Variants in CLCN1 observed in about 807,000 individuals in gnomAD.
CLCN1 encodes the protein chloride voltage-gated channel 1.
CLCN1 carries 100 observed loss-of-function variants against 114.5 expected under a neutral mutation model. That is an observed-to-expected ratio of 0.87 (90% confidence interval 0.74 to 1.03). The LOEUF (loss-of-function observed/expected upper bound fraction) is 1.03. CLCN1 is among the 50% of genes least tolerant of loss of function. The probability of loss-of-function intolerance (pLI) is 0.00; values close to 1 mark genes in which losing one functional copy is unlikely to be tolerated. For synonymous variants in CLCN1, 485 were observed against 487.1 expected (o/e 1.00, Z 0.06); for missense variants, 1,188 against 1,250.0 (o/e 0.95, Z 0.75).
In CLCN1 at chr7:143,318,963, C is replaced by G. The variant is rs1802358318; in HGVS notation, c.181-792C>G. Among the ~76,000 whole-genome samples the G allele has an allele frequency of 2.0e-5, 3 of 152,212 alleles. No homozygotes were observed. In the South Asian group the frequency reaches 6.2e-4, roughly 31 times the overall value. ...CCAGAATCCAGCAACATGGCCTGGC[C>G]TGACCCTGGCCCCAGAGGACAGTTA... is the stretch of plus-strand genomic sequence containing the variant. On this transcript the variant is annotated intron_variant, in intron 1 of 22. Coordinates refer to ENST00000343257, the MANE Select transcript of CLCN1 (RefSeq NM_000083.3).
At position 143,320,649 on chromosome 7, in the gene CLCN1, C is replaced by T. The variant is rs1464472981; in HGVS notation, c.302-15C>T. 3 of 1,608,908 alleles carry T rather than the reference C, an allele frequency of 1.9e-6. No homozygotes were observed. The highest frequency in any genetic ancestry group is 2.5e-6 in the Non-Finnish European group (3 of 1,176,754). On this transcript the variant is annotated splice_polypyrimidine_tract_variant and intron_variant, in intron 2 of 22. Transcript: ENST00000343257. ...TGTTGTTTGTTTGTTTGTTTTTTCC[C>T]TCATCTCTTCCTAGATTGTATCCAC...
chr7:143,334,971 TA>T (rs1337735113), intron 12 of CLCN1, among the ~76,000 whole-genome samples: 1 of 152,252 alleles, frequency 6.6e-6, no homozygotes, highest in Non-Finnish European at 1.5e-5. Flanking sequence ...CAAACCCATC[TA>T]CAGTAACCAA....
chr7:143,346,340 A>G (rs1465041843), intron 18 of CLCN1, 89 bp downstream of exon 18: 3 of 649,092 alleles, frequency 4.6e-6, no homozygotes, highest in East Asian at 4.0e-5. Flanking sequence ...TGCAATTCCT[A>G]TGCGGGGTGG....
chr7:143,320,670 T>C lies in CLCN1; in HGVS notation c.308T>C (p.Ile103Thr). The C allele has an allele frequency of 6.2e-7, 1 of 1,613,100 alleles. No individual in the cohort carries two copies. Among genetic ancestry groups the C allele is most frequent in the Non-Finnish European group, 8.5e-7 (1 of 1,179,324 alleles). ...EDHYSKCQDC[I>T]HRLGQVVRRK... is the part of the protein sequence containing the mutation. ...TTCCCTCATCTCTTCCTAGATTGTA[T>C]CCACCGCCTGGGACAGGTGGTGAGA... is the stretch of plus-strand genomic sequence containing the variant. The change falls in exon 3 of 23, where the codon ATC (isoleucine) becomes ACC (threonine). Residue 103 changes from isoleucine to threonine, a missense_variant. Physicochemically the swap from Ile to Thr is moderately conservative, Grantham distance 89. Coordinates refer to ENST00000343257, the MANE Select transcript of CLCN1 (RefSeq NM_000083.3).
At position 143,321,300 on chromosome 7, in the gene CLCN1, T is replaced by C. The variant is rs1802424500; in HGVS notation, c.434-65T>C. The C allele has an allele frequency of 1.3e-6, 2 of 1,597,138 alleles. No homozygotes were observed. Among genetic ancestry groups the C allele is most frequent in the Non-Finnish European group, 1.7e-6 (2 of 1,168,788 alleles). On this transcript the variant is annotated intron_variant, in intron 3 of 22. Transcript: ENST00000343257. The surrounding 1 kb of genome is among the most constrained non-coding windows in gnomAD (Gnocchi z 4.2). Reference sequence around the variant, plus strand: ...GGCCTGAGAACATGCCGGGTACACGTCCTGGTGCCGTGGACACGGCTGCTC... The same window carrying C: ...GGCCTGAGAACATGCCGGGTACACGCCCTGGTGCCGTGGACACGGCTGCTC...
intron 16 of CLCN1, among the ~76,000 whole-genome samples, chr7:143,345,248 A>G (rs1803195442): frequency 6.6e-6 from 1 of 152,214 alleles, no homozygotes; most frequent in Non-Finnish European, 1.5e-5. Flanking sequence ...CAGCTCACCT[A>G]TCTGAAGTCT....
Position 143,324,510 on chromosome 7 carries a change from T to TC in CLCN1, c.853+23dup, listed in dbSNP as rs773068838. ...ACTTGGAGGCAAGTGATTGACCCCC[T>TC]CCCCCATCAATCGGCTTGCCTGGCC... On this transcript the variant is annotated intron_variant, in intron 7 of 22. Transcript: ENST00000343257. This position sits in a 1 kb window ranked among gnomAD's most constrained non-coding sequence, Gnocchi z 4.6. 379 of 1,598,340 alleles carry TC rather than the reference T, an allele frequency of 2.4e-4. No individual in the cohort carries two copies. Among genetic ancestry groups the TC allele is most frequent in the Non-Finnish European group, 2.9e-4 (338 of 1,165,900 alleles).
At chr7:143,349,279 C>T (rs571781944) in intron 20 of CLCN1, among the ~76,000 whole-genome samples, 2 of 152,146 alleles carry the variant, frequency 1.3e-5, no homozygotes, top group East Asian at 1.9e-4. Flanking sequence ...TCCATTAGTC[C>T]GGAAGATGAG....
intron 12 of CLCN1, among the ~76,000 whole-genome samples, chr7:143,337,277 T>C (rs1316951488): frequency 6.6e-6 from 1 of 152,260 alleles, no homozygotes; most frequent in East Asian, 1.9e-4. Flanking sequence ...TACTGAGCAC[T>C]GTGCCAGTGC....
chr7:143,335,667 T>TG (rs946639633), intron 12 of CLCN1, among the ~76,000 whole-genome samples: 6 of 149,574 alleles, frequency 4.0e-5, no homozygotes, highest in Admixed American at 1.3e-4. Context: ...TTTTGTTTTT[T>TG]TTTTTTTTTT....
chr7:143,350,725 C>A lies in CLCN1; in HGVS notation c.2595+71C>A, dbSNP rs896264028. ...ATAGGATAAGGGGATGCAGTGGGGA[C>A]AGAAGGAATATTAGCATCTCAGAAG... is the stretch of plus-strand genomic sequence containing the variant. On this transcript the variant is annotated intron_variant, in intron 22 of 22. Transcript: ENST00000343257. This position sits in a 1 kb window ranked among gnomAD's most constrained non-coding sequence, Gnocchi z 5.1. The A allele has an allele frequency of 3.7e-6, 4 of 1,079,522 alleles. No homozygotes were observed. Among genetic ancestry groups the A allele is most frequent in the Middle Eastern group, 2.7e-4 (1 of 3,748 alleles). The allele number at this position is 1,079,522 out of a possible 1,614,324, so 66.9% of individuals were successfully genotyped here. A position where few individuals can be genotyped will look rare whatever the true frequency, so the allele number is the denominator to read the frequency against.
intron 7 of CLCN1, among the ~76,000 whole-genome samples, 173 bp from the exon 8 acceptor site, chr7:143,330,599 G>T (rs1802695056): frequency 6.6e-6 from 1 of 152,136 alleles, no homozygotes; most frequent in South Asian, 2.1e-4. Flanking sequence ...AAAACTCCTA[G>T]CCTGAGCAGT....
chr7:143,323,630 C>G (rs1422898912), intron 6 of CLCN1: 1 of 655,038 alleles, frequency 1.5e-6, no homozygotes, highest in Non-Finnish European at 2.9e-6. Context: ...ACATGGAGGT[C>G]TGGTCTGTCG....
At chr7:143,326,283 A>T (rs1802573726) in intron 7 of CLCN1, among the ~76,000 whole-genome samples, 1 of 104,050 alleles carries the variant, frequency 9.6e-6, no homozygotes. Context: ...CTATTACTTG[A>T]TTTTTAAAAA....
chr7:143,351,763 T>G lies in CLCN1; in HGVS notation c.2765T>G (p.Val922Gly). ...CCTGGGGCCACTGGAACAGGGGATGTGATTGCTGCCTCCCCAGAGACCCCT... is the reference window on the plus strand; with the variant it reads ...CCTGGGGCCACTGGAACAGGGGATGGGATTGCTGCCTCCCCAGAGACCCCT... ...DRPGATGTGDVIAASPETPVP... is the reference protein window; with the variant it reads ...DRPGATGTGDGIAASPETPVP... The change falls in exon 23 of 23, where the codon GTG (valine) becomes GGG (glycine). Residue 922 changes from valine (V) to glycine (G), a missense_variant. Val to Gly is a moderately radical substitution (Grantham distance 109, BLOSUM62 -3). Transcript: ENST00000343257. 6.2e-7 allele frequency: 1 copy of G among 1,614,100 alleles called. No individual in the cohort carries two copies. The highest frequency in any genetic ancestry group is 8.5e-7 in the Non-Finnish European group (1 of 1,179,990).
chr7:143,330,727 C>G (rs1162497960), intron 7 of CLCN1, 45 bp from the exon 8 acceptor site: 11 of 1,613,018 alleles, frequency 6.8e-6, no homozygotes, highest in Non-Finnish European at 8.5e-6. Context: ...TGGGGGAGCA[C>G]TTTCACTGCT....
In CLCN1 at chr7:143,321,442, C is replaced by T. The variant is rs1802429655; in HGVS notation, c.511C>T (p.Leu171Phe). The T allele has an allele frequency of 5.6e-6, 9 of 1,614,208 alleles. No homozygotes were observed. Among genetic ancestry groups the T allele is most frequent in the Non-Finnish European group, 7.6e-6 (9 of 1,180,038 alleles). ...FLVWVTFPLV[L>F]ILFSALFCHL... ...GGTCTGGGTCACCTTCCCACTAGTC[C>T]TCATCCTCTTCAGCGCCCTCTTCTG... The change falls in exon 4 of 23, where the codon CTC becomes TTC. Residue 171 changes from leucine to phenylalanine, a missense_variant. Leu to Phe is a conservative substitution (Grantham distance 22). Coordinates refer to ENST00000343257, the MANE Select transcript of CLCN1 (RefSeq NM_000083.3). The surrounding 1 kb of genome is among the most constrained non-coding windows in gnomAD (Gnocchi z 4.2).
Position 143,323,573 on chromosome 7 carries a change from C to T in CLCN1, c.774+187C>T, listed in dbSNP as rs890990594. On this transcript the variant is annotated intron_variant, in intron 6 of 22. Coordinates refer to ENST00000343257, the MANE Select transcript of CLCN1 (RefSeq NM_000083.3). ...CTGGCCACGTGATGCCTCTGTTTAG[C>T]CTGTGCCTGTCCTCCAAATGTCCAC... The T allele has an allele frequency of 5.7e-6, 4 of 701,130 alleles. No individual in the cohort carries two copies. The African/African-American group carries it at 7.0e-5, about 12-fold the overall frequency. The allele number at this position is 701,130 out of a possible 1,614,324, so 43.4% of individuals were successfully genotyped here.
In CLCN1 at chr7:143,345,688, G is replaced by T; in HGVS notation, c.2098G>T (p.Ala700Ser). 6.4e-7 allele frequency: 1 copy of T among 1,556,356 alleles called. No individual in the cohort carries two copies. The highest frequency in any genetic ancestry group is 8.7e-7 in the Non-Finnish European group (1 of 1,151,594). The part of the protein sequence containing the change: ...ARLAGEGLPG[A>S]PPGRPESFAF... ...GCTGGCTGGGGAGGGGCTCCCCGGC[G>T]CGCCTCCAGGCCGGCCCGAGTCCTT... is the stretch of plus-strand genomic sequence containing the variant. Residue 700 changes from alanine to serine, a missense_variant, in exon 17 of 23, where the codon GCG becomes TCG. Ala to Ser is a moderately conservative substitution (Grantham distance 99, BLOSUM62 1). Coordinates refer to ENST00000343257, the MANE Select transcript of CLCN1 (RefSeq NM_000083.3).
Sources: gnomAD v4.1 joint callset for allele counts (sites outside exome capture counted in the v4.1 genomes callset) on GRCh38, gnomAD v4.1.1 for gene constraint, Gnocchi (gnomAD v3.1) non-coding constraint, MANE v1.5 for transcripts, NCBI Gene and HGNC (gene_info 2026-07-23, HGNC 2026-07-21) for gene names.